The following RET variants were observed in gnomAD, a reference collection of about 807,000 sequenced individuals.
RET encodes the protein ret proto-oncogene.
In RET, 19 loss-of-function variants were observed where a neutral mutation model predicts 118.3. That is an observed-to-expected ratio of 0.16 (90% CI 0.11 to 0.24). The LOEUF (loss-of-function observed/expected upper bound fraction) is 0.24, where lower values mean the gene tolerates loss of function less well. Ranked by LOEUF, RET falls within the 10% of genes least tolerant of loss-of-function variation. The pLI, the probability that RET is intolerant of heterozygous loss-of-function variation, is 1.00. For missense variants in RET, 1,219 were observed against 1,502.1 expected, an observed-to-expected ratio of 0.81 and a Z score of 3.12; for synonymous variants, 597 against 644.1, an observed-to-expected ratio of 0.93 and a Z score of 1.11.
chr10:43,128,978 T>C lies in RET; in HGVS notation c.*709T>C, dbSNP rs1342281943. 4.2e-6 allele frequency: 1 copy of C among 237,050 alleles called. No homozygotes were observed. Among genetic ancestry groups the C allele is most frequent in the Admixed American group, 5.4e-5 (1 of 18,638 alleles). The allele number at this position is 237,050 out of a possible 1,614,324, so 14.7% of individuals were successfully genotyped here. A position where few individuals can be genotyped will look rare whatever the true frequency, so the allele number is the denominator to read the frequency against. On this transcript the variant is annotated 3_prime_UTR_variant, in exon 20 of 20. Transcript: ENST00000355710. ...CATGCCATCTTTACTATGTGGATGG[T>C]GGTATCAGGGAAGAGGGCTCACAAG...
In RET at chr10:43,111,393, A is replaced by T. The variant is rs755660496; in HGVS notation, c.1450A>T (p.Met484Leu). 13 of 1,599,280 alleles carry T rather than the reference A, an allele frequency of 8.1e-6. No individual in the cohort carries two copies. The highest frequency in any genetic ancestry group is 1.7e-5 in the Admixed American group (1 of 59,522). ...RRPKCAELHYMVVATDQQTSR... is the reference protein window; with the variant it reads ...RRPKCAELHYLVVATDQQTSR... ...GCCCAAGTGTGCCGAACTTCACTAC[A>T]TGGTGGTGGCCACCGACCAGCAGAC... Residue 484 changes from methionine (M) to leucine (L), a missense_variant, in exon 7 of 20, where the codon ATG (methionine) becomes TTG (leucine). Around this residue, in one of 5 missense-constraint regions of RET, gnomAD observed 850 missense variants for 969.6 expected, o/e 0.88. Coordinates refer to ENST00000355710, the MANE Select transcript of RET (RefSeq NM_020975.6).
Position 43,102,639 on chromosome 10 carries a change from G to A in RET, c.625+10G>A, listed in dbSNP as rs371974705. ...TACAGGCTCCTGGAGGGTGAGTGCC[G>A]ACCTTGTGGGGCCGCCCCACAGTGC... is the stretch of plus-strand genomic sequence containing the variant. On this transcript the variant is annotated intron_variant, in intron 3 of 19. Coordinates refer to ENST00000355710, the MANE Select transcript of RET (RefSeq NM_020975.6). 1.9e-5 allele frequency: 30 copies of A among 1,613,764 alleles called. No homozygotes were observed. Among genetic ancestry groups the A allele is most frequent in the Non-Finnish European group, 2.4e-5 (28 of 1,180,012 alleles).
chr10:43,083,129 T>C (rs1225066907), intron 1 of RET, among the ~76,000 whole-genome samples: 1 of 152,158 alleles, frequency 6.6e-6, no homozygotes, highest in Non-Finnish European at 1.5e-5. Flanking sequence ...CATGGGCGCT[T>C]GGTGACATGG....
intron 14 of RET, 23 bp downstream of exon 14, chr10:43,119,768 C>A (rs1371997190): frequency 6.2e-7 from 1 of 1,609,436 alleles, no homozygotes; most frequent in Non-Finnish European, 8.5e-7. Flanking sequence ...GGCTCTGCAC[C>A]CAGCCAGCCC....
intron 1 of RET, among the ~76,000 whole-genome samples, chr10:43,099,345 A>G (rs909289715): frequency 6.6e-6 from 1 of 152,016 alleles, no homozygotes; most frequent in Non-Finnish European, 1.5e-5. Context: ...CCCCATCTCT[A>G]CTAAGAAAAT....
At chr10:43,089,294 C>G (rs945714425) in intron 1 of RET, among the ~76,000 whole-genome samples, 37 of 152,236 alleles carry the variant, frequency 2.4e-4, no homozygotes, top group African/African-American at 8.7e-4. Context: ...GCCTTAGGGT[C>G]TAACACATTC....
chr10:43,118,757 C>T (rs1838133873), intron 13 of RET, among the ~76,000 whole-genome samples: 1 of 152,242 alleles, frequency 6.6e-6, no homozygotes, highest in Admixed American at 6.5e-5. Context: ...TGCCATGTGT[C>T]CTCACCCAGT....
chr10:43,104,727 T>A, intron 3 of RET: 1 of 675,468 alleles, frequency 1.5e-6, no homozygotes, highest in Non-Finnish European at 2.5e-6. Flanking sequence ...CAGCAGGACG[T>A]AAGCACAGTC....
At position 43,106,292 on chromosome 10, in the gene RET, G is replaced by A. The variant is rs553469794; in HGVS notation, c.868-84G>A. 5.2e-5 allele frequency: 68 copies of A among 1,316,720 alleles called. 2 individuals carry two copies. In the South Asian group the frequency reaches 5.5e-4, roughly 11 times the overall value. The allele number at this position is 1,316,720 out of a possible 1,614,324, so 81.6% of individuals were successfully genotyped here. A position where few individuals can be genotyped will look rare whatever the true frequency, so the allele number is the denominator to read the frequency against. The stretch of plus-strand genomic sequence containing the variant: ...GGTCCACCTATGGGCTGTGTGGGAC[G>A]TGCAGCATTCTAAGGTCTCTGGTTT... On this transcript the variant is annotated intron_variant, in intron 4 of 19. Transcript: ENST00000355710. The surrounding 1 kb of genome is among the most constrained non-coding windows in gnomAD (Gnocchi z 5.1).
intron 1 of RET, among the ~76,000 whole-genome samples, chr10:43,090,038 G>A (rs192791873): frequency 2.2e-4 from 33 of 152,328 alleles, no homozygotes; most frequent in Admixed American, 1.8e-3. Flanking sequence ...ACCAGGGCCC[G>A]GAGTGAGGGG....
intron 11 of RET, among the ~76,000 whole-genome samples, chr10:43,115,198 C>T (rs1034612105): frequency 1.3e-5 from 2 of 152,230 alleles, no homozygotes; most frequent in Admixed American, 6.5e-5. Flanking sequence ...AAGCCAAGCC[C>T]AGTTCTGGAA....
Position 43,119,548 on chromosome 10 carries a change from G to A in RET, c.2410G>A (p.Val804Met), listed in dbSNP as rs79658334. 1.2e-4 allele frequency: 196 copies of A among 1,605,504 alleles called. No individual in the cohort carries two copies. The highest frequency in any genetic ancestry group is 1.9e-4 in the Admixed American group (11 of 59,440). The change falls in exon 14 of 20, where the codon GTG becomes ATG. Residue 804 changes from valine (V) to methionine (M), a missense_variant. Transcript: ENST00000355710. ...CSQDGPLLLI[V>M]EYAKYGSLRG... is the part of the protein sequence containing the mutation. ...GCCCCCAGGCCCGCTCCTCCTCATC[G>A]TGGAGTACGCCAAATACGGCTCCCT...
At chr10:43,088,084 G>A (rs555600813) in intron 1 of RET, among the ~76,000 whole-genome samples, 60 of 151,974 alleles carry the variant, frequency 3.9e-4, no homozygotes, top group East Asian at 3.1e-3. Context: ...GGTGGTGGAC[G>A]TGATAGGGAT....
At chr10:43,104,106 C>A (rs927866672) in intron 3 of RET, among the ~76,000 whole-genome samples, 5 of 152,186 alleles carry the variant, frequency 3.3e-5, no homozygotes, top group African/African-American at 1.2e-4. Context: ...CAGAGGATGA[C>A]CAGCCTGGCG....
chr10:43,128,577 C>G lies in RET; in HGVS notation c.*308C>G, dbSNP rs1191413220. ...GTGTCCATCAGTGACCACCAACATTCTGTGTTCACATGTGTGGGTCCAACA... is the reference window on the plus strand; with the variant it reads ...GTGTCCATCAGTGACCACCAACATTGTGTGTTCACATGTGTGGGTCCAACA... On this transcript the variant is annotated 3_prime_UTR_variant, in exon 20 of 20. Transcript: ENST00000355710. The G allele has an allele frequency of 8.1e-6, 4 of 492,566 alleles. No homozygotes were observed. The highest frequency in any genetic ancestry group is 7.7e-5 in the African/African-American group (4 of 52,194). 30.5% of individuals were successfully genotyped at this position (492,566 alleles called of 1,614,324 possible). A position where few individuals can be genotyped will look rare whatever the true frequency, so the allele number is the denominator to read the frequency against.
Position 43,114,712 on chromosome 10 carries a change from C to G in RET, c.2112C>G (p.Val704=), listed in dbSNP as rs1209925911. The change falls in exon 11 of 20, where the codon GTC becomes GTG. Residue 704 remains valine, a synonymous_variant. Transcript: ENST00000355710. This position sits in a 1 kb window ranked among gnomAD's most constrained non-coding sequence, Gnocchi z 4.6. ...CGCTGGACTCCATGGAGAACCAGGT[C>G]TCCGTGGATGCCTTCAAGATCCTGG... ...RPSLDSMENQ[V]SVDAFKILED... is the part of the protein sequence containing the mutation. The G allele has an allele frequency of 2.5e-6, 4 of 1,611,534 alleles. No individual in the cohort carries two copies. In the Admixed American group the frequency reaches 6.7e-5, roughly 27 times the overall value.
chr10:43,101,894 GCAGCC>G (rs1354161527), intron 2 of RET, among the ~76,000 whole-genome samples: 1 of 152,238 alleles, frequency 6.6e-6, no homozygotes, highest in Non-Finnish European at 1.5e-5. Context: ...GAAAGCCCTC[GCAGCC>G]CAGCTGAAAT....
intron 1 of RET, among the ~76,000 whole-genome samples, chr10:43,080,141 G>A (rs144232297): frequency 5.3e-5 from 8 of 152,332 alleles, no homozygotes; most frequent in Non-Finnish European, 1.0e-4. Context: ...AATGGGATGC[G>A]ATCACCTAGC....
intron 1 of RET, among the ~76,000 whole-genome samples, chr10:43,085,266 C>T (rs1837265548): frequency 6.6e-6 from 1 of 152,202 alleles, no homozygotes; most frequent in South Asian, 2.1e-4. Context: ...AAGCCAAGTG[C>T]CCAGCCCTGG....
Sources: allele counts gnomAD v4.1 joint callset (sites outside exome capture counted in the v4.1 genomes callset), GRCh38; gene constraint gnomAD v4.1.1; regional missense constraint gnomAD v4.1.1; non-coding constraint Gnocchi (gnomAD v3.1); transcripts MANE v1.5; gene names NCBI Gene and HGNC (gene_info 2026-07-23, HGNC 2026-07-21).